FAR2: variants seen among roughly 807,000 people sequenced by gnomAD.
FAR2 encodes epididymis secretory protein Li 81.
Under a neutral mutation model 56.0 loss-of-function variants are expected in FAR2, and 19 were observed. That is an observed-to-expected ratio of 0.34 (90% CI 0.24 to 0.50). The LOEUF (loss-of-function observed/expected upper bound fraction) is 0.50, where lower values mean the gene tolerates loss of function less well. FAR2 is among the 20% of genes least tolerant of loss of function. FAR2 has a pLI of 0.98. For missense variants in FAR2, 508 were observed against 642.2 expected (o/e 0.79, Z 2.26); for synonymous variants, 219 against 218.8 (o/e 1.00, Z -0.01).
At chr12:29,154,150 G>A (rs542490274) in intron 1 of FAR2, among the ~76,000 whole-genome samples, 7 of 152,210 alleles carry the variant, frequency 4.6e-5, no homozygotes, top group African/African-American at 1.7e-4. Context: ...GATGGAATAT[G>A]GTGTAATTTC....
intron 1 of FAR2, among the ~76,000 whole-genome samples, chr12:29,159,121 G>A (rs1949756555): frequency 6.6e-6 from 1 of 152,176 alleles, no homozygotes; most frequent in African/African-American, 2.4e-5. Context: ...CAATTTTTCA[G>A]TAATGATACC....
chr12:29,243,946 T>C (rs1354864712), intron 1 of FAR2, among the ~76,000 whole-genome samples: 1 of 152,200 alleles, frequency 6.6e-6, no homozygotes, highest in Non-Finnish European at 1.5e-5. Context: ...TCGTTCATCA[T>C]AGTATCCCCA....
intron 10 of FAR2, among the ~76,000 whole-genome samples, chr12:29,322,963 C>T (rs1254385006): frequency 6.6e-6 from 1 of 152,208 alleles, no homozygotes; most frequent in Non-Finnish European, 1.5e-5. Context: ...GTCCGGCACT[C>T]CCCAGTGAGA....
At chr12:29,258,915 C>T (rs888747408) in intron 1 of FAR2, among the ~76,000 whole-genome samples, 1 of 152,192 alleles carries the variant, frequency 6.6e-6, no homozygotes, top group Non-Finnish European at 1.5e-5. Flanking sequence ...GGAAGTTTCT[C>T]TCTTGAAAAA....
chr12:29,171,098 A>G (rs1480988327), intron 1 of FAR2, among the ~76,000 whole-genome samples: 1 of 152,244 alleles, frequency 6.6e-6, no homozygotes, highest in African/African-American at 2.4e-5. Context: ...CTGTTCCAGG[A>G]TTCCTCAGAT....
At chr12:29,217,326 C>T (rs571732144) in intron 1 of FAR2, among the ~76,000 whole-genome samples, 27 of 152,274 alleles carry the variant, frequency 1.8e-4, no homozygotes, top group African/African-American at 6.5e-4. Flanking sequence ...ACAAGTATTA[C>T]ACCAAGAATC....
At chr12:29,242,172 C>G (rs554537740) in intron 1 of FAR2, among the ~76,000 whole-genome samples, 8 of 152,270 alleles carry the variant, frequency 5.3e-5, no homozygotes, top group Admixed American at 4.6e-4. Context: ...GTATTTGAGG[C>G]CTTTCCCTTG....
chr12:29,309,041 G>C (rs374560704), intron 5 of FAR2, 145 bp from the exon 6 acceptor site: 4 of 674,260 alleles, frequency 5.9e-6, no homozygotes, highest in Non-Finnish European at 1.0e-5. Context: ...TATCTTTTGA[G>C]ATCTTAATAA....
intron 1 of FAR2, among the ~76,000 whole-genome samples, chr12:29,259,084 T>C (rs561034629): frequency 6.6e-6 from 1 of 152,346 alleles, no homozygotes; most frequent in South Asian, 2.1e-4. Flanking sequence ...GTCTTGAATT[T>C]GGACTTGTTA....
intron 2 of FAR2, among the ~76,000 whole-genome samples, chr12:29,272,059 C>G (rs557234190): frequency 1.3e-5 from 2 of 152,256 alleles, no homozygotes; most frequent in South Asian, 4.1e-4. Context: ...TCCCAGATCC[C>G]TCTTCAGGCA....
chr12:29,254,884 C>T (rs755056885), intron 1 of FAR2, among the ~76,000 whole-genome samples: 2 of 149,036 alleles, frequency 1.3e-5, no homozygotes, highest in South Asian at 4.2e-4. Context: ...ACCCAGGAGG[C>T]GGAGGTTGCA....
intron 1 of FAR2, among the ~76,000 whole-genome samples, chr12:29,250,770 G>T (rs1429494566): frequency 1.3e-5 from 2 of 152,156 alleles, no homozygotes; most frequent in African/African-American, 2.4e-5. Flanking sequence ...TGTGTTAGGA[G>T]AAAATATAAT....
At chr12:29,165,812 T>G (rs1175285409) in intron 1 of FAR2, among the ~76,000 whole-genome samples, 2 of 152,120 alleles carry the variant, frequency 1.3e-5, no homozygotes, top group African/African-American at 4.8e-5. Context: ...TTCAATACAT[T>G]TAAGTTCACA....
intron 10 of FAR2, 43 bp downstream of exon 10, chr12:29,321,967 C>T (rs113840337): frequency 1.3e-4 from 201 of 1,567,044 alleles, no homozygotes; most frequent in Non-Finnish European, 1.7e-4. Context: ...ATGCTACTCA[C>T]TTGGAATTTA....
At chr12:29,163,095 G>A (rs935134792) in intron 1 of FAR2, among the ~76,000 whole-genome samples, 8 of 152,194 alleles carry the variant, frequency 5.3e-5, no homozygotes, top group Admixed American at 5.2e-4. Context: ...AGTGAGGGGA[G>A]ACCTGGGAAC....
At chr12:29,332,513 C>T (rs1425241130) in intron 10 of FAR2, 87 bp from the exon 11 acceptor site, 8 of 1,564,434 alleles carry the variant, frequency 5.1e-6, no homozygotes, top group East Asian at 2.3e-5. Flanking sequence ...TTGAAGGTCA[C>T]TCGTCTATGT....
At chr12:29,275,631 G>A (rs1269699517) in intron 2 of FAR2, among the ~76,000 whole-genome samples, 1 of 152,112 alleles carries the variant, frequency 6.6e-6, no homozygotes, top group Admixed American at 6.6e-5. Flanking sequence ...AATCACCCCT[G>A]CTTCTAGTAG....
intron 1 of FAR2, chr12:29,157,103 ATT>A (rs1380558099): frequency 6.6e-5 from 4 of 60,856 alleles, no homozygotes; most frequent in African/African-American, 1.3e-4. Flanking sequence ...AGCAAAGAAC[ATT>A]TTATATATAT....
At chr12:29,315,987 T>C (rs182392781) in intron 8 of FAR2, among the ~76,000 whole-genome samples, 1 of 152,304 alleles carries the variant, frequency 6.6e-6, no homozygotes, top group Admixed American at 6.5e-5. Flanking sequence ...CCACAAATGT[T>C]TCAATAAATG....
Sources: allele counts gnomAD v4.1 joint callset (sites outside exome capture counted in the v4.1 genomes callset), GRCh38; gene constraint gnomAD v4.1.1; transcripts MANE v1.5; gene names NCBI Gene and HGNC (gene_info 2026-07-23, HGNC 2026-07-21).